Variants in UBR2 observed in about 807,000 individuals in gnomAD.
UBR2 encodes the protein E3 ubiquitin-protein ligase UBR2.
UBR2 carries 92 observed loss-of-function variants against 247.9 expected under a neutral mutation model. The observed-to-expected ratio is 0.37, with a 90% CI of 0.31 to 0.44. The LOEUF (loss-of-function observed/expected upper bound fraction) is 0.44. Ranked by LOEUF, UBR2 falls within the 20% of genes least tolerant of loss-of-function variation. UBR2 has a pLI of 1.00. For synonymous variants in UBR2, 672 were observed against 693.5 expected (o/e 0.97, Z 0.49); for missense variants, 1,613 against 2,112.6 (o/e 0.76, Z 4.64).
chr6:42,643,962 G>A (rs1317637992), intron 18 of UBR2, among the ~76,000 whole-genome samples: 2 of 152,120 alleles, frequency 1.3e-5, no homozygotes, highest in African/African-American at 4.8e-5. Context: ...TTACTGTGCT[G>A]GGTGGGCTTA....
Position 42,689,673 on chromosome 6 carries a change from A to G in UBR2, c.5126+3A>G, listed in dbSNP as rs1425240154. ...GGGGAGACCGACCAGGGACTCAGGT[A>G]AGAACCCATCCTGAGTTAGCTAACT... On this transcript the variant is annotated splice_donor_region_variant and intron_variant, in intron 46 of 46. Transcript: ENST00000372901. The surrounding 1 kb of genome is among the most constrained non-coding windows in gnomAD (Gnocchi z 4.0). 3 of 1,613,548 alleles carry G rather than the reference A, an allele frequency of 1.9e-6. No individual in the cohort carries two copies. Among genetic ancestry groups the G allele is most frequent in the South Asian group, 1.1e-5 (1 of 91,068 alleles).
At position 42,691,784 on chromosome 6, in the gene UBR2, T is replaced by G. The variant is rs1411386188; in HGVS notation, c.*611T>G. ...CTGGTTTTTCAGGGCTGTTAGAGGT[T>G]TTTTTTTTTTCTTTTTTTTTTTATG... On this transcript the variant is annotated 3_prime_UTR_variant, in exon 47 of 47. Transcript: ENST00000372901. The G allele has an allele frequency of 3.3e-5, 2 of 59,742 alleles. No individual in the cohort carries two copies. Among genetic ancestry groups the G allele is most frequent in the African/African-American group, 6.4e-5 (1 of 15,696 alleles). The allele number at this position is 59,742 out of a possible 1,614,324, so 3.7% of individuals were successfully genotyped here. A position where few individuals can be genotyped will look rare whatever the true frequency, so the allele number is the denominator to read the frequency against.
intron 2 of UBR2, among the ~76,000 whole-genome samples, chr6:42,584,743 T>C (rs1662850998): frequency 6.6e-6 from 1 of 152,206 alleles, no homozygotes; most frequent in African/African-American, 2.4e-5. Context: ...CCTTCTGTTA[T>C]ATTTGTTCCT....
intron 2 of UBR2, among the ~76,000 whole-genome samples, chr6:42,578,201 G>A (rs1462212295): frequency 6.6e-6 from 1 of 152,164 alleles, no homozygotes; most frequent in African/African-American, 2.4e-5. Context: ...GATGAGTGGG[G>A]TGATAAGTAG....
intron 8 of UBR2, among the ~76,000 whole-genome samples, chr6:42,613,727 A>G (rs1227824082): frequency 6.6e-6 from 1 of 152,142 alleles, no homozygotes; most frequent in African/African-American, 2.4e-5. Context: ...TCTTTGAGAT[A>G]TTAATCATTA....
At chr6:42,658,913 T>C in intron 29 of UBR2, 89 bp downstream of exon 29, 1 of 1,309,182 alleles carries the variant, frequency 7.6e-7, no homozygotes, top group Non-Finnish European at 1.0e-6. Flanking sequence ...AGTATACTTT[T>C]AATCCTAAAG....
At chr6:42,580,871 T>A (rs761305377) in intron 2 of UBR2, among the ~76,000 whole-genome samples, 20 of 152,188 alleles carry the variant, frequency 1.3e-4, no homozygotes, top group Non-Finnish European at 2.8e-4. Context: ...GTAGTTAACC[T>A]TATATGATTT....
At chr6:42,581,003 ATTTTT>A (rs58396471) in intron 2 of UBR2, among the ~76,000 whole-genome samples, 20 of 62,634 alleles carry the variant, frequency 3.2e-4, no homozygotes, top group African/African-American at 1.1e-3. Context: ...TGGTTCTAGA[ATTTTT>A]TTTTTTTTTT....
Position 42,572,472 on chromosome 6 carries a change from T to TA in UBR2, c.79-1259dup, listed in dbSNP as rs1052579203. 6.5e-5 allele frequency among the ~76,000 whole-genome samples: 6 copies of TA among 92,964 alleles called. No homozygotes were observed. In the East Asian group the frequency reaches 7.2e-4, roughly 11 times the overall value. 61.0% of individuals were successfully genotyped at this position (92,964 alleles called of 152,430 possible). On this transcript the variant is annotated intron_variant, in intron 1 of 46. Coordinates refer to ENST00000372901, the MANE Select transcript of UBR2 (RefSeq NM_001363705.2). ...CTTGAACATACTTTTTTTTTTTTTT[T>TA]AAATAAAAATGTAACTGGAATTAGG...
rs769836315 is a variant in UBR2 at position 42,691,136 on chromosome 6, A to G, written c.5231A>G (p.Asn1744Ser). The change falls in exon 47 of 47, where the codon AAT (asparagine) becomes AGT (serine). Residue 1744 changes from asparagine (N) to serine (S), a missense_variant. Asn to Ser is a conservative substitution (Grantham distance 46). Around this residue, in one of 3 missense-constraint regions of UBR2, gnomAD observed 80 missense variants for 108.6 expected, o/e 0.74. Coordinates refer to ENST00000372901, the MANE Select transcript of UBR2 (RefSeq NM_001363705.2). The part of the protein sequence containing the change: ...TEEIGHAQEA[N>S]QTLVGIDWQH... ...GAAATTGGACATGCACAGGAAGCCA[A>G]TCAGACACTGGTTGGCATTGACTGG... 3.7e-5 allele frequency: 60 copies of G among 1,614,100 alleles called. No individual in the cohort carries two copies. The South Asian group carries it at 4.8e-4, about 13-fold the overall frequency.
chr6:42,663,543 C>A, intron 32 of UBR2, 124 bp downstream of exon 32: 3 of 1,009,478 alleles, frequency 3.0e-6, no homozygotes, highest in Non-Finnish European at 4.1e-6. Flanking sequence ...ACTTTCCAAA[C>A]TCTAATCATT....
chr6:42,678,554 A>G lies in UBR2; in HGVS notation c.4494A>G (p.Ile1498Met), dbSNP rs764313181. 1.9e-6 allele frequency: 3 copies of G among 1,609,752 alleles called. No homozygotes were observed. Among genetic ancestry groups the G allele is most frequent in the Non-Finnish European group, 2.5e-6 (3 of 1,178,922 alleles). Residue 1498 changes from isoleucine (I) to methionine (M), a missense_variant, in exon 41 of 47, where the codon ATA becomes ATG. Ile to Met is a conservative substitution (Grantham distance 10). Transcript: ENST00000372901. The stretch of plus-strand genomic sequence containing the variant: ...TCTTTTTTAGTGCCTTGAAAGAAAT[A>G]CCATCCGGCTGGCATCTGTGGAGGA... The part of the protein sequence containing the change: ...HQYTGSALKE[I>M]PSGWHLWRSV...
chr6:42,621,015 G>T (rs1271085452), intron 11 of UBR2, among the ~76,000 whole-genome samples: 2 of 152,024 alleles, frequency 1.3e-5, no homozygotes, highest in African/African-American at 4.8e-5. Flanking sequence ...TAGAGACGGG[G>T]TTTCACTATG....
At chr6:42,674,022 A>G in intron 37 of UBR2, 104 bp from the exon 38 acceptor site, 2 of 1,350,338 alleles carry the variant, frequency 1.5e-6, no homozygotes, top group Non-Finnish European at 1.0e-6. Context: ...TCTAGCTTAT[A>G]AATTCTCATG....
At chr6:42,590,299 A>C (rs991696078) in intron 2 of UBR2, among the ~76,000 whole-genome samples, 4 of 152,206 alleles carry the variant, frequency 2.6e-5, no homozygotes, top group African/African-American at 9.7e-5. Flanking sequence ...TTGGCCCTAC[A>C]TACTTTTAAT....
intron 2 of UBR2, among the ~76,000 whole-genome samples, chr6:42,583,541 T>TC (rs60840478): frequency 2.0e-5 from 3 of 147,880 alleles, no homozygotes; most frequent in African/African-American, 7.6e-5. Flanking sequence ...TTTTTTTTTT[T>TC]CTCTGAGACT....
At chr6:42,632,065 A>ATAT (rs1258390499) in intron 11 of UBR2, among the ~76,000 whole-genome samples, 13 of 66,634 alleles carry the variant, frequency 2.0e-4, no homozygotes, top group East Asian at 8.2e-4. Flanking sequence ...TTAAAAAAAA[A>ATAT]AAAAATATAT....
At chr6:42,661,981 T>C (rs1797840809) in intron 30 of UBR2, among the ~76,000 whole-genome samples, 1 of 152,246 alleles carries the variant, frequency 6.6e-6, no homozygotes, top group African/African-American at 2.4e-5. Flanking sequence ...TTAATTAATT[T>C]GCTGTGGGTG....
At chr6:42,565,106 A>G (rs1720528368) in intron 1 of UBR2, among the ~76,000 whole-genome samples, 1 of 152,256 alleles carries the variant, frequency 6.6e-6, no homozygotes, top group South Asian at 2.1e-4. Context: ...GCAGCTTTCA[A>G]CAAATACTGT....
Sources: allele counts gnomAD v4.1 joint callset (sites outside exome capture counted in the v4.1 genomes callset), GRCh38; gene constraint gnomAD v4.1.1; regional missense constraint gnomAD v4.1.1; non-coding constraint Gnocchi (gnomAD v3.1); transcripts MANE v1.5; gene names NCBI Gene and HGNC (gene_info 2026-07-23, HGNC 2026-07-21).